LMLN: variants seen among roughly 807,000 people sequenced by gnomAD.
The protein encoded by LMLN is leishmanolysin-like peptidase.
Under a neutral mutation model 92.3 loss-of-function variants are expected in LMLN, and 70 were observed. The observed-to-expected ratio is 0.76, with a 90% CI of 0.63 to 0.92. The LOEUF (loss-of-function observed/expected upper bound fraction) is 0.92, where lower values mean the gene tolerates loss of function less well. Ranked by LOEUF, LMLN falls within the 40% of genes least tolerant of loss-of-function variation. LMLN has a pLI of 0.00. For synonymous variants in LMLN, 308 were observed against 296.2 expected, an observed-to-expected ratio of 1.04 and a Z score of -0.41; for missense variants, 691 against 814.6, an observed-to-expected ratio of 0.85 and a Z score of 1.85.
At chr3:198,032,166 T>C (rs1366428198) in intron 14 of LMLN, among the ~76,000 whole-genome samples, 1 of 151,494 alleles carries the variant, frequency 6.6e-6, no homozygotes, top group Non-Finnish European at 1.5e-5. Context: ...AGCACACACA[T>C]AGGGCTTGTT....
chr3:197,961,066 T>G (rs193287851), intron 1 of LMLN, among the ~76,000 whole-genome samples: 1 of 152,336 alleles, frequency 6.6e-6, no homozygotes, highest in Admixed American at 6.5e-5. Context: ...TCATTTCAAA[T>G]TCCCTAACCT....
At chr3:197,975,107 CTT>C (rs771793600) in intron 3 of LMLN, 35 bp downstream of exon 3, 25 of 1,213,478 alleles carry the variant, frequency 2.1e-5, no homozygotes, top group Non-Finnish European at 3.0e-5. Flanking sequence ...GAATTGGACA[CTT>C]AAAATTTTAT....
At chr3:198,003,213 A>G (rs1331604022) in intron 11 of LMLN, 88 bp downstream of exon 12, 2 of 767,306 alleles carry the variant, frequency 2.6e-6, no homozygotes, top group Admixed American at 2.9e-5. Context: ...GCTATTTTCA[A>G]AATGTAGTCT....
Position 197,980,310 on chromosome 3 carries a change from T to C in LMLN, c.550-16T>C, listed in dbSNP as rs748312789. ...TTGTCTCTGTTCTGGCTTTCTGATG[T>C]CTCCCGTGGGTGCAGCAATGCCGGG... On this transcript the variant is annotated splice_polypyrimidine_tract_variant and intron_variant, in intron 5 of 15. Transcript: ENST00000330198. 6.2e-7 allele frequency: 1 copy of C among 1,600,688 alleles called. No homozygotes were observed. The highest frequency in any genetic ancestry group is 1.1e-5 in the South Asian group (1 of 90,552).
intron 11 of LMLN, among the ~76,000 whole-genome samples, chr3:198,008,381 A>G (rs1177307851): frequency 1.3e-5 from 2 of 152,214 alleles, no homozygotes; most frequent in East Asian, 3.8e-4. Context: ...ATTATTACTA[A>G]ATGAGCAAAT....
intron 11 of LMLN, among the ~76,000 whole-genome samples, chr3:198,010,732 T>G (rs371461767): frequency 6.6e-6 from 1 of 152,198 alleles, no homozygotes; most frequent in South Asian, 2.1e-4. Flanking sequence ...ATTATAGTCG[T>G]GAGCCACTGT....
intron 1 of LMLN, among the ~76,000 whole-genome samples, chr3:197,972,528 A>C (rs1560134187): frequency 6.6e-6 from 1 of 152,146 alleles, no homozygotes; most frequent in Non-Finnish European, 1.5e-5. Context: ...CAGCTGCATT[A>C]AACTAGTTGT....
chr3:198,032,567 C>T (rs1450999008), intron 14 of LMLN, among the ~76,000 whole-genome samples: 2 of 152,186 alleles, frequency 1.3e-5, no homozygotes, highest in Non-Finnish European at 2.9e-5. Context: ...GTGCTGTCAT[C>T]GGCTTCTGGT....
chr3:198,026,568 G>A (rs1722937639), intron 14 of LMLN, among the ~76,000 whole-genome samples: 2 of 152,176 alleles, frequency 1.3e-5, no homozygotes, highest in Admixed American at 6.5e-5. Flanking sequence ...GCCTCCCAAA[G>A]TGCTGGGATT....
intron 11 of LMLN, among the ~76,000 whole-genome samples, chr3:198,006,790 G>A (rs1033590497): frequency 2.0e-5 from 3 of 151,812 alleles, no homozygotes; most frequent in South Asian, 2.1e-4. Context: ...TTGGCTCACT[G>A]TAACCTCTGC....
At chr3:197,983,615 T>C (rs1489852656) in intron 6 of LMLN, among the ~76,000 whole-genome samples, 2 of 152,204 alleles carry the variant, frequency 1.3e-5, no homozygotes, top group African/African-American at 2.4e-5. Flanking sequence ...TATACTGAAA[T>C]GCTGAAGTTA....
intron 3 of LMLN, 98 bp from the exon 4 acceptor site, chr3:197,975,931 A>G: frequency 1.8e-5 from 13 of 703,528 alleles, no homozygotes; most frequent in Non-Finnish European, 2.1e-5. Context: ...CCAGAATTAT[A>G]AAGCTTTTTT....
At chr3:198,017,863 G>A (rs1161639185) in intron 11 of LMLN, among the ~76,000 whole-genome samples, 1 of 152,124 alleles carries the variant, frequency 6.6e-6, no homozygotes, top group Non-Finnish European at 1.5e-5. Context: ...CTTGCAGTGA[G>A]CCGAGATCGC....
intron 6 of LMLN, among the ~76,000 whole-genome samples, chr3:197,981,835 C>T (rs9859209): frequency 0.2 from 30,728 of 149,982 alleles, 5,074 homozygotes; most frequent in African/African-American, 0.46. Context: ...GACATAGTCT[C>T]GCTCTGTCAC....
intron 1 of LMLN, among the ~76,000 whole-genome samples, chr3:197,974,007 T>G (rs1229537799): frequency 2.6e-5 from 4 of 152,232 alleles, no homozygotes; most frequent in African/African-American, 9.6e-5. Context: ...TAAATTTTTG[T>G]CCTCTTTTAA....
intron 1 of LMLN, among the ~76,000 whole-genome samples, chr3:197,964,599 A>G (rs945406352): frequency 7.2e-5 from 11 of 151,860 alleles, no homozygotes; most frequent in Non-Finnish European, 1.6e-4. Flanking sequence ...GGGTTTCACC[A>G]TGTTGGCCAG....
At chr3:198,034,309 T>A (rs867186286) in intron 14 of LMLN, among the ~76,000 whole-genome samples, 98 of 152,312 alleles carry the variant, frequency 6.4e-4, no homozygotes, top group Middle Eastern at 3.4e-3. Context: ...AGGTTTTTTT[T>A]AAAATAGTTA....
intron 1 of LMLN, among the ~76,000 whole-genome samples, chr3:197,967,632 A>G (rs11185489): frequency 0.038 from 5,802 of 152,282 alleles, 173 homozygotes; most frequent in East Asian, 0.098. Flanking sequence ...TGTCTTGATA[A>G]ACATCTTAAA....
intron 2 of LMLN, 26 bp from the exon 3 acceptor site, chr3:197,975,016 T>C (rs759571837): frequency 9.4e-5 from 135 of 1,433,462 alleles, no homozygotes; most frequent in Non-Finnish European, 1.3e-4. Flanking sequence ...GAGATAATCC[T>C]TATGTTTTTA....
Sources: allele counts gnomAD v4.1 joint callset (sites outside exome capture counted in the v4.1 genomes callset), GRCh38; gene constraint gnomAD v4.1.1; transcripts MANE v1.5; gene names NCBI Gene and HGNC (gene_info 2026-07-23, HGNC 2026-07-21).